NRXN3: variants seen among roughly 807,000 people sequenced by gnomAD.
The protein encoded by NRXN3 is neurexin III.
In NRXN3, 32 loss-of-function variants were observed where a neutral mutation model predicts 137.6. That is an observed-to-expected ratio of 0.23 (90% CI 0.18 to 0.31). The LOEUF is 0.31. Among genes scored for constraint, NRXN3 ranks in the 10% least tolerant of loss-of-function variants. The pLI, the probability that NRXN3 is intolerant of heterozygous loss-of-function variation, is 1.00. For missense variants in NRXN3, 1,574 were observed against 2,062.5 expected, an observed-to-expected ratio of 0.76 and a Z score of 4.59; for synonymous variants, 798 against 784.5, an observed-to-expected ratio of 1.02 and a Z score of -0.29.
intron 15 of NRXN3, among the ~76,000 whole-genome samples, chr14:79,092,083 T>C (rs753039115): frequency 2.0e-5 from 3 of 152,198 alleles, no homozygotes; most frequent in Non-Finnish European, 2.9e-5. Context: ...TTAAGGTTGT[T>C]TATAATAGAC....
At chr14:78,940,589 G>C (rs1239737753) in intron 10 of NRXN3, among the ~76,000 whole-genome samples, 2 of 152,170 alleles carry the variant, frequency 1.3e-5, no homozygotes, top group East Asian at 1.9e-4. Flanking sequence ...TTGATGAGTT[G>C]TTGAGTTAAT....
At position 79,225,304 on chromosome 14, in the gene NRXN3, T is replaced by C. The variant is rs565839637; in HGVS notation, c.3262+237163T>C. Among the ~76,000 whole-genome samples the C allele has an allele frequency of 2.0e-5, 3 of 152,292 alleles. No individual in the cohort carries two copies. The East Asian group carries it at 5.8e-4, about 29-fold the overall frequency. ...AGTAAGATAAAACCAAAAGCCAAAGTATCTTGCTTTACCTTGAAGAAGGAA... is the reference window on the plus strand; with the variant it reads ...AGTAAGATAAAACCAAAAGCCAAAGCATCTTGCTTTACCTTGAAGAAGGAA... On this transcript the variant is annotated intron_variant, in intron 15 of 20. Transcript: ENST00000335750.
intron 4 of NRXN3, among the ~76,000 whole-genome samples, chr14:78,308,718 A>C (rs1468041059): frequency 6.6e-6 from 1 of 152,090 alleles, no homozygotes; most frequent in Non-Finnish European, 1.5e-5. Context: ...AATAAATCTC[A>C]AACCTCAAAT....
intron 16 of NRXN3, among the ~76,000 whole-genome samples, chr14:79,511,695 A>G (rs2153690557): frequency 6.6e-6 from 1 of 152,298 alleles, no homozygotes. Context: ...CCAATAATGA[A>G]TCAACCTATA....
At chr14:78,272,545 G>C (rs1185781614) in intron 2 of NRXN3, among the ~76,000 whole-genome samples, 5 of 152,154 alleles carry the variant, frequency 3.3e-5, no homozygotes, top group Non-Finnish European at 7.3e-5. Context: ...AAAACATATA[G>C]CCCAGGGCAG....
At chr14:78,914,093 T>A (rs1041058672) in intron 10 of NRXN3, among the ~76,000 whole-genome samples, 5 of 152,210 alleles carry the variant, frequency 3.3e-5, no homozygotes, top group African/African-American at 1.2e-4. Flanking sequence ...CCTCTTCATT[T>A]GCTGTGATTT....
At chr14:78,636,986 A>G (rs966416902) in intron 4 of NRXN3, among the ~76,000 whole-genome samples, 4 of 151,246 alleles carry the variant, frequency 2.6e-5, no homozygotes, top group Non-Finnish European at 5.9e-5. Flanking sequence ...TTTATTTTTT[A>G]TTTTTTAGCA....
At chr14:79,599,798 C>T (rs111261237) in intron 16 of NRXN3, among the ~76,000 whole-genome samples, 6 of 152,250 alleles carry the variant, frequency 3.9e-5, no homozygotes, top group South Asian at 2.1e-4. Flanking sequence ...AGTTCAAGAC[C>T]GGCCTGGCCA....
In NRXN3 at chr14:79,425,434, C is replaced by G. The variant is rs1196427571; in HGVS notation, c.3263-41787C>G. Among the ~76,000 whole-genome samples, 10 of 152,290 alleles carry G rather than the reference C, an allele frequency of 6.6e-5. No individual in the cohort carries two copies. The East Asian group carries it at 1.9e-3, about 29-fold the overall frequency. The stretch of plus-strand genomic sequence containing the variant: ...CTTCAGTGCCTCTGTCACAGCCTTG[C>G]AAAGACTACTTGGGATATGTTTATG... On this transcript the variant is annotated intron_variant, in intron 15 of 20. Transcript: ENST00000335750.
intron 16 of NRXN3, among the ~76,000 whole-genome samples, chr14:79,646,596 G>A (rs540921294): frequency 8.2e-5 from 11 of 134,922 alleles, no homozygotes; most frequent in African/African-American, 2.7e-4. Flanking sequence ...TCCCGAAAAT[G>A]TACCAACCTC....
intron 2 of NRXN3, among the ~76,000 whole-genome samples, chr14:78,275,629 G>T (rs2073466442): frequency 6.6e-6 from 1 of 152,132 alleles, no homozygotes; most frequent in Non-Finnish European, 1.5e-5. Flanking sequence ...AAAATTCTCT[G>T]GGAAGACTCT....
intron 4 of NRXN3, among the ~76,000 whole-genome samples, chr14:78,543,250 C>T (rs976685713): frequency 6.6e-6 from 1 of 152,240 alleles, no homozygotes; most frequent in Non-Finnish European, 1.5e-5. Context: ...CATTCATGAT[C>T]TGAGATCATA....
chr14:78,478,157 G>T (rs779991554), intron 4 of NRXN3, among the ~76,000 whole-genome samples: 4 of 152,110 alleles, frequency 2.6e-5, no homozygotes, highest in Non-Finnish European at 5.9e-5. Context: ...CTGCTCTGTT[G>T]GGATACAACA....
At chr14:79,402,561 G>A (rs1175520685) in intron 15 of NRXN3, among the ~76,000 whole-genome samples, 1 of 152,136 alleles carries the variant, frequency 6.6e-6, no homozygotes, top group Non-Finnish European at 1.5e-5. Flanking sequence ...AAATGTAAAT[G>A]CAATTTTACA....
intron 15 of NRXN3, among the ~76,000 whole-genome samples, chr14:79,005,850 C>G (rs953160700): frequency 6.6e-6 from 1 of 151,702 alleles, no homozygotes; most frequent in Non-Finnish European, 1.5e-5. Flanking sequence ...AGTGTCGGTC[C>G]TCAAAAAAAA....
intron 18 of NRXN3, among the ~76,000 whole-genome samples, chr14:79,693,726 G>A (rs956294578): frequency 6.7e-5 from 10 of 150,264 alleles, no homozygotes; most frequent in East Asian, 3.9e-4. Context: ...ATTGTTACCC[G>A]TTGGCTTTCA....
intron 4 of NRXN3, among the ~76,000 whole-genome samples, chr14:78,386,300 A>G (rs1598087129): frequency 6.6e-6 from 1 of 152,226 alleles, no homozygotes; most frequent in Non-Finnish European, 1.5e-5. Context: ...AGAAAAATCA[A>G]TTTAAAAGTT....
At chr14:78,501,190 G>A (rs777981091) in intron 4 of NRXN3, among the ~76,000 whole-genome samples, 2 of 152,166 alleles carry the variant, frequency 1.3e-5, no homozygotes, top group Admixed American at 6.6e-5. Flanking sequence ...CCATGGAGGA[G>A]GAACTCAGGC....
chr14:79,833,109 G>A (rs1462102613), intron 20 of NRXN3, among the ~76,000 whole-genome samples: 2 of 152,134 alleles, frequency 1.3e-5, no homozygotes, highest in African/African-American at 2.4e-5. Context: ...CCTAATAGAA[G>A]CAAGCCTGAA....
Sources: allele counts gnomAD v4.1 joint callset (sites outside exome capture counted in the v4.1 genomes callset), GRCh38; gene constraint gnomAD v4.1.1; transcripts MANE v1.5; gene names NCBI Gene and HGNC (gene_info 2026-07-23, HGNC 2026-07-21).